LPP: variants seen among roughly 807,000 people sequenced by gnomAD.
LPP encodes LIM domain containing preferred translocation partner in lipoma, also known as lipoma-preferred partner.
In LPP, 38 loss-of-function variants were observed where a neutral mutation model predicts 60.4. The ratio of observed to expected loss-of-function variants is 0.63; its 90% CI spans 0.49 to 0.83. LPP has a LOEUF of 0.83. Ranked by LOEUF, LPP falls within the 40% of genes least tolerant of loss-of-function variation. The pLI, the probability that LPP is intolerant of heterozygous loss-of-function variation, is 0.00. For missense variants in LPP, 902 were observed against 783.6 expected (o/e 1.15, Z -1.80); for synonymous variants, 328 against 290.8 (o/e 1.13, Z -1.30).
At chr3:188,625,397 G>C (rs747913230) in intron 7 of LPP, among the ~76,000 whole-genome samples, 6 of 152,072 alleles carry the variant, frequency 3.9e-5, no homozygotes, top group Non-Finnish European at 7.4e-5. Flanking sequence ...CTTTATCACT[G>C]TCTTTGATAA....
At chr3:188,232,504 A>ATTTTTT (rs71634069) in intron 2 of LPP, among the ~76,000 whole-genome samples, 15 of 103,232 alleles carry the variant, frequency 1.5e-4, no homozygotes, top group East Asian at 3.2e-4. Context: ...ACACCCGGCT[A>ATTTTTT]TTTTTTTTTT....
intron 2 of LPP, among the ~76,000 whole-genome samples, chr3:188,328,537 CGAT>C (rs1759090571): frequency 6.6e-6 from 1 of 152,084 alleles, no homozygotes; most frequent in Non-Finnish European, 1.5e-5. Context: ...TTCCTTGAAA[CGAT>C]AAGCTCTCTT....
rs373447613 is a variant in LPP, at chr3:188,780,686, C to T, written c.1410+20404C>T. On this transcript the variant is annotated intron_variant, in intron 9 of 11. Transcript: ENST00000617246. ...CGTTCCTCTTCTCTACCTTCCTGAC[C>T]TCAAGACCATTGTTCCACACATCCC... Among the ~76,000 whole-genome samples, 8 of 152,136 alleles carry T rather than the reference C, an allele frequency of 5.3e-5. No homozygotes were observed. The East Asian group carries it at 9.6e-4, about 18-fold the overall frequency.
At chr3:188,764,324 T>C (rs1733332464) in intron 9 of LPP, among the ~76,000 whole-genome samples, 2 of 152,190 alleles carry the variant, frequency 1.3e-5, no homozygotes, top group South Asian at 4.1e-4. Flanking sequence ...TCTTCACAGA[T>C]AAGGAATAAG....
intron 6 of LPP, among the ~76,000 whole-genome samples, chr3:188,575,897 C>A (rs1270078820): frequency 6.6e-6 from 1 of 152,034 alleles, no homozygotes; most frequent in Non-Finnish European, 1.5e-5. Flanking sequence ...ATGTGATTGA[C>A]TGGATTTGAG....
intron 5 of LPP, among the ~76,000 whole-genome samples, chr3:188,517,184 A>C (rs1817608374): frequency 6.6e-6 from 1 of 152,174 alleles, no homozygotes; most frequent in South Asian, 2.1e-4. Flanking sequence ...AGCTCAGGTG[A>C]ATTGTTGAAG....
At chr3:188,270,567 C>T (rs1737401890) in intron 2 of LPP, among the ~76,000 whole-genome samples, 1 of 152,098 alleles carries the variant, frequency 6.6e-6, no homozygotes, top group Non-Finnish European at 1.5e-5. Context: ...GTTCTGTGAC[C>T]CAGGCATCAG....
intron 1 of LPP, among the ~76,000 whole-genome samples, chr3:188,187,717 C>T (rs985584902): frequency 2.6e-5 from 4 of 152,036 alleles, no homozygotes; most frequent in African/African-American, 4.8e-5. Flanking sequence ...CTAATTGCTT[C>T]CTTTTATTTA....
chr3:188,455,694 G>T (rs562197781), intron 4 of LPP, among the ~76,000 whole-genome samples: 1 of 152,088 alleles, frequency 6.6e-6, no homozygotes, highest in Non-Finnish European at 1.5e-5. Flanking sequence ...GGCAAAAAAT[G>T]ACTGTAACCT....
chr3:188,853,501 G>A (rs1434952645), intron 9 of LPP, among the ~76,000 whole-genome samples: 2 of 152,198 alleles, frequency 1.3e-5, no homozygotes, highest in Admixed American at 6.5e-5. Context: ...CAGGTGGAAA[G>A]GCATGAAAGA....
At chr3:188,208,619 T>C (rs1179625843) in intron 1 of LPP, among the ~76,000 whole-genome samples, 1 of 152,230 alleles carries the variant, frequency 6.6e-6, no homozygotes, top group Non-Finnish European at 1.5e-5. Flanking sequence ...AGGCCACGTT[T>C]CCGGAACTGA....
In LPP at chr3:188,384,092, TTTAA is replaced by T. The variant is rs1777572987; in HGVS notation, c.-9-22017_-9-22014del. Reference sequence around the variant, plus strand: ...CATATTGAAAATGGTACTCCATTGTTTTAATTCTCATCCTCTCTGACCATTAGAA... The same window carrying T: ...CATATTGAAAATGGTACTCCATTGTTTTCTCATCCTCTCTGACCATTAGAA... On this transcript the variant is annotated intron_variant, in intron 3 of 11. Transcript: ENST00000617246. 2.0e-5 allele frequency among the ~76,000 whole-genome samples: 3 copies of T among 152,200 alleles called. No individual in the cohort carries two copies. The South Asian group carries it at 6.2e-4, about 32-fold the overall frequency.
rs568648645 is a variant in LPP, at chr3:188,236,017, C to T, written c.-67+10490C>T. ...TAGTAATAATGATGACTCATTAACT[C>T]GAGCGTTTACTGAACACCTACTATT... On this transcript the variant is annotated intron_variant, in intron 2 of 11. Coordinates refer to ENST00000617246, the MANE Select transcript of LPP (RefSeq NM_001375462.1). Among the ~76,000 whole-genome samples the T allele has an allele frequency of 7.9e-5, 12 of 151,936 alleles. No individual in the cohort carries two copies. The South Asian group carries it at 1.7e-3, about 21-fold the overall frequency.
chr3:188,235,798 A>G (rs1304206891), intron 2 of LPP, among the ~76,000 whole-genome samples: 1 of 152,124 alleles, frequency 6.6e-6, no homozygotes, highest in Admixed American at 6.6e-5. Context: ...CCCTATTGTC[A>G]ATGATTGGCT....
intron 2 of LPP, among the ~76,000 whole-genome samples, chr3:188,301,730 G>A (rs956667947): frequency 5.3e-5 from 8 of 152,084 alleles, no homozygotes; most frequent in Middle Eastern, 3.4e-3. Flanking sequence ...GCAGTGGCAC[G>A]ATCATAATTC....
rs75197372 is a variant in LPP at position 188,857,322 on chromosome 3, A to T, written c.1411-8878A>T. Among the ~76,000 whole-genome samples the T allele has an allele frequency of 9.1e-3, 1,384 of 152,334 alleles. 18 individuals are homozygous for T. The highest frequency in any genetic ancestry group is 0.032 in the African/African-American group (1,317 of 41,572). Reference sequence around the variant, plus strand: ...ATTGCCTTTATACAGAATAACGGAGAAAGATATCTGAGAAACTTGTTAATT... The same window carrying T: ...ATTGCCTTTATACAGAATAACGGAGTAAGATATCTGAGAAACTTGTTAATT... On this transcript the variant is annotated intron_variant, in intron 9 of 11. Coordinates refer to ENST00000617246, the MANE Select transcript of LPP (RefSeq NM_001375462.1).
intron 7 of LPP, among the ~76,000 whole-genome samples, chr3:188,680,002 A>G (rs1362749237): frequency 3.3e-5 from 5 of 152,196 alleles, no homozygotes; most frequent in Non-Finnish European, 7.3e-5. Context: ...AGAAACAGCA[A>G]AATTGTCATT....
At chr3:188,232,504 A>ATTTTTTTTTTTTTTTTTTTTTTTTT (rs71634069) in intron 2 of LPP, among the ~76,000 whole-genome samples, 1 of 103,234 alleles carries the variant, frequency 9.7e-6, no homozygotes, top group Non-Finnish European at 1.9e-5. Context: ...ACACCCGGCT[A>ATTTTTTTTTTTTTTTTTTTTTTTTT]TTTTTTTTTT....
intron 7 of LPP, among the ~76,000 whole-genome samples, chr3:188,675,847 T>C (rs988083424): frequency 3.3e-5 from 5 of 152,212 alleles, no homozygotes; most frequent in African/African-American, 4.8e-5. Flanking sequence ...CCTGACTTTG[T>C]TATAGAAAGC....
Sources: allele counts gnomAD v4.1 joint callset (sites outside exome capture counted in the v4.1 genomes callset), GRCh38; gene constraint gnomAD v4.1.1; transcripts MANE v1.5; gene names NCBI Gene and HGNC (gene_info 2026-07-23, HGNC 2026-07-21).